The following ANKRD18B variants were observed in gnomAD, a reference collection of about 807,000 sequenced individuals.
ANKRD18B encodes the protein ankyrin repeat domain-containing protein 18B.
A neutral mutation model predicts 111.8 loss-of-function variants in ANKRD18B; 75 were observed. The ratio of observed to expected loss-of-function variants is 0.67; its 90% confidence interval spans 0.56 to 0.81. The LOEUF (loss-of-function observed/expected upper bound fraction) is 0.81. ANKRD18B is among the 40% of genes least tolerant of loss of function. ANKRD18B has a pLI of 0.00. For missense variants in ANKRD18B, 1,038 were observed against 1,225.5 expected, an observed-to-expected ratio of 0.85 and a Z score of 2.28; for synonymous variants, 356 against 417.3, an observed-to-expected ratio of 0.85 and a Z score of 1.79.
At chr9:33,573,392 T>G, downstream of ANKRD18B, 1 of 790,356 alleles carries the variant, frequency 1.3e-6, no homozygotes, top group Non-Finnish European at 1.5e-6. Context: ...GCAGCCTCTG[T>G]GCTGTGTCTC....
chr9:33,546,732 G>A (rs1480555210), intron 10 of ANKRD18B, among the ~76,000 whole-genome samples: 5 of 152,060 alleles, frequency 3.3e-5, no homozygotes, highest in South Asian at 4.1e-4. Context: ...TTGGTGCCAC[G>A]AAATGCTAGG....
chr9:33,525,296 G>A (rs1248596465), intron 1 of ANKRD18B, among the ~76,000 whole-genome samples: 2 of 152,016 alleles, frequency 1.3e-5, no homozygotes, highest in African/African-American at 4.8e-5. Flanking sequence ...ATATCAAAAC[G>A]TGCTATTAAT....
Position 33,555,801 on chromosome 9 carries a change from T to G in ANKRD18B, c.2311T>G (p.Leu771Val), listed in dbSNP as rs1332602703. The change falls in exon 13 of 19, where the codon TTA becomes GTA. Residue 771 changes from leucine to valine, a missense_variant. Leu to Val is a conservative substitution (Grantham distance 32, BLOSUM62 1). Around this residue, in one of 4 missense-constraint regions of ANKRD18B, gnomAD observed 524 missense variants for 677.9 expected, o/e 0.77. Coordinates refer to ENST00000684830, the MANE Select transcript of ANKRD18B (RefSeq NM_001393611.1). ...TCAAATAAGAAAGAAAAATCGTGAATTAGAAGAAGAGGCAACTGGGTATGG... is the reference window on the plus strand; with the variant it reads ...TCAAATAAGAAAGAAAAATCGTGAAGTAGAAGAAGAGGCAACTGGGTATGG... ...ADQIRKKNRE[L>V]EEEATGYKKC... is the part of the protein sequence containing the mutation. 1 of 1,402,788 alleles carries G rather than the reference T, an allele frequency of 7.1e-7. No homozygotes were observed. The allele number at this position is 1,402,788 out of a possible 1,614,324, so 86.9% of individuals were successfully genotyped here.
rs1362663443 is a variant in ANKRD18B, at chr9:33,524,636, G to A, written c.147G>A (p.Glu49=). 6.4e-7 allele frequency: 1 copy of A among 1,551,494 alleles called. No individual in the cohort carries two copies. Among genetic ancestry groups the A allele is most frequent in the African/African-American group, 1.4e-5 (1 of 73,058 alleles). ...CGGCCATCAAGGGCGACGCCGCAGA[G>A]GTGGAGCACTGCCTGACGCGCAGGT... The part of the protein sequence containing the change: ...HRAAIKGDAA[E]VEHCLTRRFR... Residue 49 remains glutamate (E), a synonymous_variant, in exon 1 of 19, where the codon GAG becomes GAA. Transcript: ENST00000684830.
At chr9:33,530,056 C>T (rs1828088537) in intron 3 of ANKRD18B, among the ~76,000 whole-genome samples, 1 of 152,094 alleles carries the variant, frequency 6.6e-6, no homozygotes, top group Non-Finnish European at 1.5e-5. Flanking sequence ...TACCCACACC[C>T]AGGAAAATTA....
chr9:33,528,074 A>G (rs1198570917), intron 1 of ANKRD18B, among the ~76,000 whole-genome samples: 1 of 152,226 alleles, frequency 6.6e-6, no homozygotes, highest in African/African-American at 2.4e-5. Flanking sequence ...TGAGGTGGGA[A>G]GTTCCCATGA....
At chr9:33,568,998 G>A in intron 17 of ANKRD18B, 105 bp downstream of exon 17, 1 of 1,089,870 alleles carries the variant, frequency 9.2e-7, no homozygotes, top group Non-Finnish European at 1.3e-6. Flanking sequence ...TGCATGTTAA[G>A]TAAAGATTAT....
intron 18 of ANKRD18B, 171 bp from the exon 19 acceptor site, chr9:33,572,145 G>C: frequency 1.6e-6 from 1 of 608,946 alleles, no homozygotes; most frequent in South Asian, 2.3e-5. Context: ...ACCACAATTA[G>C]AATTAGTGCC....
intron 13 of ANKRD18B, among the ~76,000 whole-genome samples, chr9:33,556,819 TATC>T (rs1485511565): frequency 1.3e-5 from 2 of 152,230 alleles, no homozygotes; most frequent in Non-Finnish European, 2.9e-5. Flanking sequence ...ATATAAAACA[TATC>T]ATGGAAATTT....
chr9:33,548,129 T>A lies in ANKRD18B; in HGVS notation c.1341T>A (p.Asn447Lys). The part of the protein sequence containing the change: ...NANFEKSVRL[N>K]EEMITKKVAQ... Reference sequence around the variant, plus strand: ...ACTTTGAAAAGAGTGTAAGACTCAATGAAGAAATGATAACAAAAAAAGTGG... The same window carrying A: ...ACTTTGAAAAGAGTGTAAGACTCAAAGAAGAAATGATAACAAAAAAAGTGG... The change falls in exon 11 of 19, where the codon AAT (asparagine) becomes AAA (lysine). Residue 447 changes from asparagine to lysine, a missense_variant. Asn to Lys is a moderately conservative substitution (Grantham distance 94). Coordinates refer to ENST00000684830, the MANE Select transcript of ANKRD18B (RefSeq NM_001393611.1). 6.5e-7 allele frequency: 1 copy of A among 1,534,620 alleles called. No homozygotes were observed. Among genetic ancestry groups the A allele is most frequent in the South Asian group, 1.3e-5 (1 of 79,652 alleles).
chr9:33,556,968 A>G (rs1459260842), intron 13 of ANKRD18B, among the ~76,000 whole-genome samples: 1 of 152,162 alleles, frequency 6.6e-6, no homozygotes, highest in Non-Finnish European at 1.5e-5. Context: ...TCATGTTTTG[A>G]TCACAGACTT....
intron 4 of ANKRD18B, 200 bp downstream of exon 4, chr9:33,533,745 T>C: frequency 8.9e-7 from 1 of 1,117,600 alleles, no homozygotes; most frequent in Non-Finnish European, 1.2e-6. Context: ...GTAGGATTCA[T>C]CTTCTCTTAT....
chr9:33,547,683 T>A (rs1011511078), intron 10 of ANKRD18B, among the ~76,000 whole-genome samples: 1 of 9,832 alleles, frequency 1.0e-4, no homozygotes, highest in Admixed American at 9.8e-4. Flanking sequence ...TTCTCTAGAG[T>A]GTGTGTGTGT....
intron 10 of ANKRD18B, 87 bp downstream of exon 10, chr9:33,543,342 T>C (rs1828308422): frequency 1.8e-6 from 2 of 1,085,838 alleles, no homozygotes. Flanking sequence ...AGTGACCTTT[T>C]AGACTATCCT....
downstream of ANKRD18B, chr9:33,573,245 C>G: frequency 1.0e-6 from 1 of 985,368 alleles, no homozygotes; most frequent in African/African-American, 1.7e-5. Context: ...CCATCATGCG[C>G]TCACTAGTCC....
chr9:33,537,833 C>T (rs1828223560), intron 6 of ANKRD18B, among the ~76,000 whole-genome samples: 2 of 152,202 alleles, frequency 1.3e-5, no homozygotes, highest in Non-Finnish European at 2.9e-5. Flanking sequence ...TTATTATATA[C>T]TATGCTTTTA....
Position 33,548,129 on chromosome 9 carries a change from T to C in ANKRD18B, c.1341T>C (p.Asn447=), listed in dbSNP as rs751686243. 17 of 1,534,620 alleles carry C rather than the reference T, an allele frequency of 1.1e-5. No homozygotes were observed. Among genetic ancestry groups the C allele is most frequent in the Admixed American group, 2.1e-5 (1 of 47,282 alleles). The change falls in exon 11 of 19, where the codon AAT becomes AAC. Residue 447 remains asparagine (N), a synonymous_variant. Coordinates refer to ENST00000684830, the MANE Select transcript of ANKRD18B (RefSeq NM_001393611.1). The stretch of plus-strand genomic sequence containing the variant: ...ACTTTGAAAAGAGTGTAAGACTCAA[T>C]GAAGAAATGATAACAAAAAAAGTGG... ...NANFEKSVRL[N]EEMITKKVAQ...
Position 33,545,623 on chromosome 9 carries a change from C to T in ANKRD18B, c.1150-2315C>T, listed in dbSNP as rs117353073. On this transcript the variant is annotated intron_variant, in intron 10 of 18. Transcript: ENST00000684830. ...GTCCCACTGCTAATATCTATAAAAGCATGAAACATGAATTAGAAAATGTGA... is the reference window on the plus strand; with the variant it reads ...GTCCCACTGCTAATATCTATAAAAGTATGAAACATGAATTAGAAAATGTGA... Among the ~76,000 whole-genome samples, 459 of 152,290 alleles carry T rather than the reference C, an allele frequency of 3.0e-3. 3 individuals are homozygous for T. The highest frequency in any genetic ancestry group is 4.6e-3 in the Non-Finnish European group (310 of 68,026).
chr9:33,573,842 G>A (rs148666333), downstream of ANKRD18B, among the ~76,000 whole-genome samples: 183 of 145,316 alleles, frequency 1.3e-3, 27 homozygotes, highest in Non-Finnish European at 2.1e-3. Context: ...CCTGGTTAGC[G>A]GTGGCCTCCT....
Sources: allele counts gnomAD v4.1 joint callset (sites outside exome capture counted in the v4.1 genomes callset), GRCh38; gene constraint gnomAD v4.1.1; regional missense constraint gnomAD v4.1.1; transcripts MANE v1.5; gene names NCBI Gene and HGNC (gene_info 2026-07-23, HGNC 2026-07-21).